Variants in PTGIS observed in about 807,000 individuals in gnomAD.
PTGIS encodes the protein prostaglandin I2 synthase.
A neutral mutation model predicts 50.3 loss-of-function variants in PTGIS; 45 were observed. The observed-to-expected ratio is 0.90, with a 90% CI of 0.70 to 1.15. PTGIS has a LOEUF of 1.15. Among genes scored for constraint, PTGIS ranks in the 50% most tolerant of loss-of-function variants. The probability of loss-of-function intolerance (pLI) is 0.00; values close to 1 mark genes in which losing one functional copy is unlikely to be tolerated. For missense variants in PTGIS, 668 were observed against 661.3 expected, an observed-to-expected ratio of 1.01 and a Z score of -0.11; for synonymous variants, 260 against 267.7, an observed-to-expected ratio of 0.97 and a Z score of 0.28.
At position 49,568,123 on chromosome 20, in the gene PTGIS, G is replaced by GCTGGCGGGA; in HGVS notation, c.-8_-7insTCCCGCCAG. 2 of 1,087,930 alleles carry GCTGGCGGGA rather than the reference G, an allele frequency of 1.8e-6. No individual in the cohort carries two copies. The highest frequency in any genetic ancestry group is 2.4e-6 in the Non-Finnish European group (2 of 831,536). 67.4% of individuals were successfully genotyped at this position (1,087,930 alleles called of 1,614,324 possible). ...GGAGCGCGGCCCAAGCCATCGCGGG[G>GCTGGCGGGA]CTGGCGGGGCTGGCGGGGCTGGCGG... On this transcript the variant is annotated 5_prime_UTR_variant, in exon 1 of 10. Transcript: ENST00000244043.
At chr20:49,535,249 G>A (rs1982038862) in intron 5 of PTGIS, among the ~76,000 whole-genome samples, 1 of 152,116 alleles carries the variant, frequency 6.6e-6, no homozygotes, top group South Asian at 2.1e-4. Flanking sequence ...TTCCCTTTAG[G>A]TAGGCGGATG....
intron 5 of PTGIS, among the ~76,000 whole-genome samples, chr20:49,533,707 AG>A (rs1182814169): frequency 6.6e-6 from 1 of 152,128 alleles, no homozygotes; most frequent in African/African-American, 2.4e-5. Context: ...CGGTAATCCT[AG>A]CACTTTGGGA....
intron 8 of PTGIS, among the ~76,000 whole-genome samples, chr20:49,511,616 T>A (rs545498666): frequency 1.3e-5 from 2 of 152,382 alleles, no homozygotes; most frequent in South Asian, 4.1e-4. Context: ...TATTCTATGA[T>A]ATATATTACT....
Position 49,538,098 on chromosome 20 carries a change from T to C in PTGIS, c.673+1472A>G, listed in dbSNP as rs546452882. Among the ~76,000 whole-genome samples the C allele has an allele frequency of 2.0e-5, 3 of 149,428 alleles. No individual in the cohort carries two copies. In the East Asian group the frequency reaches 5.9e-4, roughly 29 times the overall value. On this transcript the variant is annotated intron_variant, in intron 5 of 9. Coordinates refer to ENST00000244043, the MANE Select transcript of PTGIS (RefSeq NM_000961.4). ...GTGAAACCTCATCTCTACAAAAAAA[T>C]TTAAAAATTAGCCAAGCCTAGTGGC...
At position 49,511,053 on chromosome 20, in the gene PTGIS, T is replaced by G; in HGVS notation, c.1333A>C (p.Ser445Arg). ...TGTTTGATGCTGTTGACCGCATAAC[T>G]CCTCCCCAGGCAGTGATTGTGCCCC... is the stretch of plus-strand genomic sequence containing the variant. ...GAGHNHCLGRSYAVNSIKQFV... is the reference protein window; with the variant it reads ...GAGHNHCLGRRYAVNSIKQFV... Residue 445 changes from serine (S) to arginine (R), a missense_variant, in exon 9 of 10, where the codon AGT (serine) becomes CGT (arginine). Transcript: ENST00000244043. The G allele has an allele frequency of 3.1e-6, 5 of 1,613,814 alleles. No individual in the cohort carries two copies. The highest frequency in any genetic ancestry group is 4.2e-6 in the Non-Finnish European group (5 of 1,179,970).
rs1478252409 is a variant in PTGIS, at chr20:49,513,242, GCT to G, written c.1042_1043del (p.Ser348ProfsTer33). On this transcript the variant is annotated frameshift_variant, in exon 8 of 10. Coordinates refer to ENST00000244043, the MANE Select transcript of PTGIS (RefSeq NM_000961.4). LOFTEE classifies it high-confidence loss of function. Reference protein sequence around the residue: ...TPVLDSVLSESLRLTAAPFIT... With the variant: ...TPVLDSVLSEXLRLTAAPFIT... ...TGAAGGGGGCAGCTGTAAGCCTGAG[GCT>G]CTCACTCAGCACGCTATCTGCATGG... 1 of 1,613,752 alleles carries G rather than the reference GCT, an allele frequency of 6.2e-7. No individual in the cohort carries two copies. Among genetic ancestry groups the G allele is most frequent in the Admixed American group, 1.7e-5 (1 of 60,014 alleles).
intron 5 of PTGIS, among the ~76,000 whole-genome samples, chr20:49,535,807 T>C (rs571532120): frequency 1.5e-4 from 23 of 152,358 alleles, no homozygotes; most frequent in African/African-American, 4.8e-4. Context: ...TGAGCCACCG[T>C]GCTCGGCCAG....
chr20:49,539,101 T>C (rs1982156481), intron 5 of PTGIS, among the ~76,000 whole-genome samples: 1 of 152,130 alleles, frequency 6.6e-6, no homozygotes, highest in Non-Finnish European at 1.5e-5. Context: ...TGTGTGTCTG[T>C]TTAGAGAAAG....
intron 1 of PTGIS, among the ~76,000 whole-genome samples, chr20:49,553,354 ATTTAAC>A (rs1312730251): frequency 6.6e-6 from 1 of 152,134 alleles, no homozygotes; most frequent in Non-Finnish European, 1.5e-5. Flanking sequence ...ACACACATGT[ATTTAAC>A]TTTAAAGTTC....
intron 6 of PTGIS, among the ~76,000 whole-genome samples, chr20:49,515,106 C>T (rs147022407): frequency 5.3e-5 from 8 of 152,298 alleles, no homozygotes; most frequent in South Asian, 4.1e-4. Flanking sequence ...CAATAGCTAA[C>T]TGGTGTGATA....
Position 49,505,348 on chromosome 20 carries a change from A to G in PTGIS, c.*2572T>C, listed in dbSNP as rs1436244257. ...GCTTCTATTTTTTTTAAAGAGAAAA[A>G]TAACGATTAAAACAAGGGCAGGTTT... is the stretch of plus-strand genomic sequence containing the variant. On this transcript the variant is annotated 3_prime_UTR_variant, in exon 10 of 10. Coordinates refer to ENST00000244043, the MANE Select transcript of PTGIS (RefSeq NM_000961.4). The G allele has an allele frequency of 6.6e-6, 1 of 152,116 alleles. No individual in the cohort carries two copies. Among genetic ancestry groups the G allele is most frequent in the African/African-American group, 2.4e-5 (1 of 41,408 alleles). 9.4% of individuals were successfully genotyped at this position (152,116 alleles called of 1,614,324 possible).
At chr20:49,564,972 C>CA (rs1982859967) in intron 1 of PTGIS, among the ~76,000 whole-genome samples, 1 of 136,094 alleles carries the variant, frequency 7.3e-6, no homozygotes, top group Non-Finnish European at 1.6e-5. Context: ...CTTGTTTGCC[C>CA]TTTTTTTTTT....
chr20:49,529,881 A>G (rs895423664), intron 5 of PTGIS, among the ~76,000 whole-genome samples: 4 of 152,150 alleles, frequency 2.6e-5, no homozygotes, highest in Non-Finnish European at 5.9e-5. Flanking sequence ...CAGGCCAGGC[A>G]TGGTGGCTCA....
At position 49,513,251 on chromosome 20, in the gene PTGIS, C is replaced by A; in HGVS notation, c.1035G>T (p.Leu345=). Residue 345 remains leucine (L), a synonymous_variant, in exon 8 of 10, where the codon CTG becomes CTT. Transcript: ENST00000244043. The part of the protein sequence containing the change: ...LDSTPVLDSV[L]SESLRLTAAP... ...CAGCTGTAAGCCTGAGGCTCTCACTCAGCACGCTATCTGCATGGGGCAGGT... is the reference window on the plus strand; with the variant it reads ...CAGCTGTAAGCCTGAGGCTCTCACTAAGCACGCTATCTGCATGGGGCAGGT... 1 of 1,613,628 alleles carries A rather than the reference C, an allele frequency of 6.2e-7. No homozygotes were observed. Among genetic ancestry groups the A allele is most frequent in the Non-Finnish European group, 8.5e-7 (1 of 1,179,986 alleles).
intron 9 of PTGIS, 29 bp from the exon 10 acceptor site, chr20:49,508,093 A>T: frequency 6.2e-7 from 1 of 1,612,896 alleles, no homozygotes. Flanking sequence ...GAAGGTGTGA[A>T]GGAGAGGAGT....
chr20:49,550,185 G>T lies in PTGIS; in HGVS notation c.79C>A (p.Pro27Thr), dbSNP rs1982471393. 6.2e-7 allele frequency: 1 copy of T among 1,612,732 alleles called. No homozygotes were observed. The highest frequency in any genetic ancestry group is 8.5e-7 in the Non-Finnish European group (1 of 1,180,014). The change falls in exon 2 of 10, where the codon CCT becomes ACT. Residue 27 changes from proline (P) to threonine (T), a missense_variant. Physicochemically the swap from Pro to Thr is conservative, Grantham distance 38. Transcript: ENST00000244043. ...CCCAGGTCCAGGGGAGGCTCACCAG[G>T]TCGCCTACAGAAGCCATGGCACTTG... is the stretch of plus-strand genomic sequence containing the variant. ...LLLSRRRTRR[P>T]GEPPLDLGSI... is the part of the protein sequence containing the mutation.
rs144312184 is a variant in PTGIS at position 49,557,875 on chromosome 20, AT to A, written c.75-7687del. Among the ~76,000 whole-genome samples the A allele has an allele frequency of 5.8e-4, 89 of 152,214 alleles. 1 individual carries two copies. The East Asian group carries it at 0.017, about 28-fold the overall frequency. On this transcript the variant is annotated intron_variant, in intron 1 of 9. Transcript: ENST00000244043. ...TTTCTCTTGTGACATGGGGATTACC[AT>A]ACCTTCCCTCTTTCTCTTACAGCCC...
chr20:49,559,499 C>T (rs1037681671), intron 1 of PTGIS, among the ~76,000 whole-genome samples: 5 of 152,260 alleles, frequency 3.3e-5, no homozygotes, highest in Admixed American at 6.5e-5. Context: ...GGACCGCTTT[C>T]GGGTGACAGC....
intron 4 of PTGIS, 146 bp downstream of exon 4, chr20:49,544,159 G>T: frequency 9.4e-7 from 1 of 1,062,854 alleles, no homozygotes; most frequent in Non-Finnish European, 1.3e-6. Context: ...CTGGTGCATG[G>T]CGTCTTTCCT....
Sources: gnomAD v4.1 joint callset for allele counts (sites outside exome capture counted in the v4.1 genomes callset) on GRCh38, gnomAD v4.1.1 for gene constraint, MANE v1.5 for transcripts, NCBI Gene and HGNC (gene_info 2026-07-23, HGNC 2026-07-21) for gene names.